Variants in ARHGAP19 observed in about 807,000 individuals in gnomAD.
The protein encoded by ARHGAP19 is rho GTPase-activating protein 19.
ARHGAP19 carries 48 observed loss-of-function variants against 60.9 expected under a neutral mutation model. The observed-to-expected ratio is 0.79, with a 90% CI of 0.62 to 1.00. The LOEUF (loss-of-function observed/expected upper bound fraction) is 1.00, where lower values mean the gene tolerates loss of function less well. ARHGAP19 is among the 50% of genes least tolerant of loss of function. The probability of loss-of-function intolerance (pLI) is 0.00; values close to 1 mark genes in which losing one functional copy is unlikely to be tolerated. For missense variants in ARHGAP19, 562 were observed against 597.2 expected, an observed-to-expected ratio of 0.94 and a Z score of 0.61; for synonymous variants, 209 against 215.5, an observed-to-expected ratio of 0.97 and a Z score of 0.27.
intron 10 of ARHGAP19, 64 bp from the exon 11 acceptor site, chr10:97,229,289 C>T (rs1850959686): frequency 1.6e-6 from 2 of 1,276,498 alleles, no homozygotes; most frequent in South Asian, 2.4e-5. Flanking sequence ...ACAGACTTTA[C>T]TAACAAATGA....
chr10:97,255,570 T>C (rs1329157640), intron 6 of ARHGAP19, among the ~76,000 whole-genome samples: 2 of 151,928 alleles, frequency 1.3e-5, no homozygotes, highest in Non-Finnish European at 2.9e-5. Context: ...GAGTGAGACC[T>C]TGTCTGAAAA....
intron 6 of ARHGAP19, among the ~76,000 whole-genome samples, chr10:97,249,985 C>T (rs1007895056): frequency 1.3e-5 from 2 of 151,900 alleles, no homozygotes; most frequent in African/African-American, 2.4e-5. Context: ...GGGGTTTCAC[C>T]GTGTTAGCCA....
chr10:97,228,377 G>A (rs1388451996), intron 11 of ARHGAP19, among the ~76,000 whole-genome samples: 1 of 152,180 alleles, frequency 6.6e-6, no homozygotes, highest in East Asian at 1.9e-4. Flanking sequence ...ACTTGTTAAT[G>A]ATTTAACAAT....
chr10:97,292,175 G>C (rs931314912), intron 1 of ARHGAP19, among the ~76,000 whole-genome samples: 1 of 152,234 alleles, frequency 6.6e-6, no homozygotes, highest in African/African-American at 2.4e-5. Flanking sequence ...TCAAATCCTT[G>C]CTCGGACCTG....
intron 1 of ARHGAP19, among the ~76,000 whole-genome samples, chr10:97,283,277 G>A (rs2134922985): frequency 6.6e-6 from 1 of 152,206 alleles, no homozygotes; most frequent in South Asian, 2.1e-4. Context: ...AAAAGTGTAG[G>A]TGAGAGTGTT....
chr10:97,271,321 C>T (rs1055854325), intron 1 of ARHGAP19, among the ~76,000 whole-genome samples: 5 of 151,522 alleles, frequency 3.3e-5, no homozygotes, highest in Non-Finnish European at 7.4e-5. Flanking sequence ...ACTATCCATT[C>T]ATAATAAATA....
At chr10:97,234,355 G>A (rs182701318) in intron 9 of ARHGAP19, among the ~76,000 whole-genome samples, 1 of 147,852 alleles carries the variant, frequency 6.8e-6, no homozygotes, top group Admixed American at 6.9e-5. Flanking sequence ...AACCACCATG[G>A]CACACATTTA....
At chr10:97,229,956 T>G in intron 9 of ARHGAP19, 82 bp from the exon 10 acceptor site, 2 of 994,432 alleles carry the variant, frequency 2.0e-6, no homozygotes, top group South Asian at 3.1e-5. Context: ...AAAACTGTAA[T>G]GTCCTTGGGT....
chr10:97,231,979 G>GTTTTT (rs142111578), intron 9 of ARHGAP19, among the ~76,000 whole-genome samples: 3 of 107,866 alleles, frequency 2.8e-5, no homozygotes, highest in African/African-American at 6.5e-5. Context: ...ATTTTCCGTT[G>GTTTTT]TTTTTTTTTT....
At chr10:97,287,383 G>A (rs186168791) in intron 1 of ARHGAP19, among the ~76,000 whole-genome samples, 225 of 152,350 alleles carry the variant, frequency 1.5e-3, no homozygotes, top group African/African-American at 5.3e-3. Flanking sequence ...AAGGGAGGGG[G>A]TGTTCCTCAT....
At chr10:97,237,762 T>C (rs1842404723) in intron 8 of ARHGAP19, among the ~76,000 whole-genome samples, 2 of 151,714 alleles carry the variant, frequency 1.3e-5, no homozygotes, top group South Asian at 4.2e-4. Flanking sequence ...TCCCAGCTAC[T>C]CGGGAGGCTG....
At chr10:97,253,585 A>T in intron 6 of ARHGAP19, among the ~76,000 whole-genome samples, 1 of 152,184 alleles carries the variant, frequency 6.6e-6, no homozygotes, top group East Asian at 1.9e-4. Flanking sequence ...GCAAAGCAGC[A>T]TGACTATAGT....
rs777657178 is a variant in ARHGAP19, at chr10:97,264,843, A to G, written c.386T>C (p.Ile129Thr). The G allele has an allele frequency of 6.2e-6, 10 of 1,611,752 alleles. No individual in the cohort carries two copies. Among genetic ancestry groups the G allele is most frequent in the Non-Finnish European group, 8.5e-6 (10 of 1,178,520 alleles). The stretch of plus-strand genomic sequence containing the variant: ...AGTCTTACTTTTGTGTAGATACTCA[A>G]TCAGTTGGTATATCTGGGCAATGCC... ...EEGIAQIYQL[I>T]EYLHKNLRVE... Residue 129 changes from isoleucine to threonine, a missense_variant, in exon 3 of 12, where the codon ATT becomes ACT. Transcript: ENST00000358531.
chr10:97,257,971 C>T (rs558424421), intron 5 of ARHGAP19, among the ~76,000 whole-genome samples: 5 of 152,232 alleles, frequency 3.3e-5, no homozygotes, highest in Admixed American at 1.3e-4. Flanking sequence ...GAAACTATGA[C>T]GTTAAGTGAA....
At chr10:97,290,599 T>G (rs1181170776) in intron 1 of ARHGAP19, among the ~76,000 whole-genome samples, 1 of 152,138 alleles carries the variant, frequency 6.6e-6, no homozygotes, top group Non-Finnish European at 1.5e-5. Flanking sequence ...TAGAAGCGGC[T>G]GGCCACCATC....
intron 1 of ARHGAP19, among the ~76,000 whole-genome samples, chr10:97,269,370 T>C (rs563290550): frequency 5.3e-5 from 8 of 152,224 alleles, no homozygotes; most frequent in African/African-American, 1.9e-4. Flanking sequence ...AGAAATACCA[T>C]AAAAATTAAA....
intron 1 of ARHGAP19, among the ~76,000 whole-genome samples, chr10:97,272,127 ATGTCTTTT>A (rs1842965805): frequency 1.0e-5 from 1 of 98,098 alleles, no homozygotes; most frequent in Non-Finnish European, 2.0e-5. Context: ...GGTGGGAAAT[ATGTCTTTT>A]TTTTTTTTTT....
At chr10:97,267,967 C>T (rs1842919807) in intron 1 of ARHGAP19, among the ~76,000 whole-genome samples, 2 of 152,230 alleles carry the variant, frequency 1.3e-5, no homozygotes, top group South Asian at 2.1e-4. Context: ...TAGCATTTGG[C>T]TCCTCCTTAT....
At chr10:97,277,897 T>C (rs1004418421) in intron 1 of ARHGAP19, 1 of 152,238 alleles carries the variant, frequency 6.6e-6, no homozygotes, top group African/African-American at 2.4e-5. Context: ...TGTGGAAATC[T>C]TGGGAAACAG....
Sources: gnomAD v4.1 joint callset for allele counts (sites outside exome capture counted in the v4.1 genomes callset) on GRCh38, gnomAD v4.1.1 for gene constraint, MANE v1.5 for transcripts, NCBI Gene and HGNC (gene_info 2026-07-23, HGNC 2026-07-21) for gene names.